The following RNASEH2B variants were observed in gnomAD, a reference collection of about 807,000 sequenced individuals.
RNASEH2B encodes the protein Aicardi-Goutieres syndrome 2 protein.
A neutral mutation model predicts 45.0 loss-of-function variants in RNASEH2B; 36 were observed. That is an observed-to-expected ratio of 0.80 (90% CI 0.61 to 1.06). The LOEUF is 1.06. Ranked by LOEUF, RNASEH2B falls within the 50% of genes least tolerant of loss-of-function variation. The probability of loss-of-function intolerance (pLI) is 0.00; values close to 1 mark genes in which losing one functional copy is unlikely to be tolerated. For synonymous variants in RNASEH2B, 119 were observed against 125.7 expected (o/e 0.95, Z 0.35); for missense variants, 361 against 360.3 (o/e 1.00, Z -0.02).
At chr13:50,967,275 A>T (rs1952174467) in intron 9 of RNASEH2B, among the ~76,000 whole-genome samples, 1 of 152,246 alleles carries the variant, frequency 6.6e-6, no homozygotes, top group South Asian at 2.1e-4. Flanking sequence ...AAGAAAATAC[A>T]ACAAAATGCT....
At chr13:50,947,710 T>G (rs1357948940) in intron 7 of RNASEH2B, among the ~76,000 whole-genome samples, 2 of 152,122 alleles carry the variant, frequency 1.3e-5, no homozygotes, top group Non-Finnish European at 2.9e-5. Flanking sequence ...GTTTTTGTTT[T>G]TAATGTCATT....
At chr13:50,919,435 A>G (rs1951488790) in intron 1 of RNASEH2B, among the ~76,000 whole-genome samples, 1 of 152,224 alleles carries the variant, frequency 6.6e-6, no homozygotes, top group African/African-American at 2.4e-5. Flanking sequence ...AGCTATGTAT[A>G]GAATATACAC....
chr13:50,924,887 A>G (rs1951572073), intron 1 of RNASEH2B, among the ~76,000 whole-genome samples: 1 of 152,102 alleles, frequency 6.6e-6, no homozygotes, highest in African/African-American at 2.4e-5. Flanking sequence ...TATTATTGTG[A>G]TGTATAGTTT....
chr13:50,934,730 T>TAGAGCCTGTCCC, intron 4 of RNASEH2B, 155 bp from the exon 5 acceptor site: 1 of 677,342 alleles, frequency 1.5e-6, no homozygotes, highest in Non-Finnish European at 2.7e-6. Flanking sequence ...GGGTCCGTCC[T>TAGAGCCTGTCCC]AGAGCCTGTC....
chr13:50,915,324 A>G (rs1029622184), intron 1 of RNASEH2B: 2 of 398,104 alleles, frequency 5.0e-6, no homozygotes, highest in Non-Finnish European at 8.9e-6. Flanking sequence ...GCTCCAGCTC[A>G]GCTTCTCCGT....
At chr13:50,934,788 T>G in intron 4 of RNASEH2B, 97 bp from the exon 5 acceptor site, 1 of 858,724 alleles carries the variant, frequency 1.2e-6, no homozygotes, top group East Asian at 2.6e-5. Flanking sequence ...TGCACTAAGT[T>G]TAAAGGCCCA....
intron 1 of RNASEH2B, among the ~76,000 whole-genome samples, chr13:50,923,249 G>A (rs555726333): frequency 2.0e-5 from 3 of 152,230 alleles, no homozygotes; most frequent in South Asian, 2.1e-4. Flanking sequence ...GAGAAGGGTG[G>A]AAGAGGAATA....
intron 7 of RNASEH2B, among the ~76,000 whole-genome samples, chr13:50,946,347 G>A (rs1000155275): frequency 1.1e-4 from 17 of 152,146 alleles, no homozygotes; most frequent in Admixed American, 2.6e-4. Context: ...TAAAAACTAG[G>A]AATAGTGGCC....
intron 1 of RNASEH2B, among the ~76,000 whole-genome samples, chr13:50,921,001 G>T (rs901387273): frequency 6.6e-6 from 1 of 152,112 alleles, no homozygotes; most frequent in Non-Finnish European, 1.5e-5. Flanking sequence ...CTTAGATTTC[G>T]TGACTTTCAT....
chr13:50,947,925 A>G lies in RNASEH2B; in HGVS notation c.617-62A>G, dbSNP rs575329799. ...AATTTGAATTCAGGTCAATTTGACT[A>G]TAAAACCACCATAATTACTATTTTT... On this transcript the variant is annotated intron_variant, in intron 7 of 10. Transcript: ENST00000336617. 1.9e-6 allele frequency: 3 copies of G among 1,597,804 alleles called. No individual in the cohort carries two copies. In the Admixed American group the frequency reaches 5.0e-5, roughly 27 times the overall value.
chr13:50,914,206 A>T (rs549520148), intron 1 of RNASEH2B, among the ~76,000 whole-genome samples: 1 of 152,332 alleles, frequency 6.6e-6, no homozygotes, highest in African/African-American at 2.4e-5. Flanking sequence ...GACACTAAAA[A>T]ACACTCTTTT....
chr13:50,945,565 G>A (rs1224056942), intron 7 of RNASEH2B, 33 bp downstream of exon 7: 2 of 1,472,036 alleles, frequency 1.4e-6, no homozygotes, highest in Admixed American at 3.3e-5. Flanking sequence ...AAAGATTTTT[G>A]TCTGGAGTAA....
At chr13:50,964,610 C>T (rs531939959) in intron 9 of RNASEH2B, among the ~76,000 whole-genome samples, 66 of 152,310 alleles carry the variant, frequency 4.3e-4, no homozygotes, top group African/African-American at 1.5e-3. Context: ...GTGTCTTGCA[C>T]GGTGCCGAGC....
At chr13:50,942,091 G>C (rs1464805280) in intron 5 of RNASEH2B, 5 of 152,186 alleles carry the variant, frequency 3.3e-5, no homozygotes, top group Non-Finnish European at 7.3e-5. Context: ...ATATAACTCA[G>C]AGGTGGTAAA....
downstream of RNASEH2B, chr13:50,960,302 T>C (rs1192558683): frequency 2.8e-6 from 1 of 352,064 alleles, no homozygotes; most frequent in Non-Finnish European, 5.0e-6. Flanking sequence ...TTTTTAAAAA[T>C]TGCATGCAAT....
Position 50,939,737 on chromosome 13 carries a change from C to T in RNASEH2B, c.437-3584C>T, listed in dbSNP as rs933727075. Among the ~76,000 whole-genome samples the T allele has an allele frequency of 3.3e-5, 5 of 151,710 alleles. No homozygotes were observed. In the South Asian group the frequency reaches 6.2e-4, roughly 19 times the overall value. On this transcript the variant is annotated intron_variant, in intron 5 of 10. Transcript: ENST00000336617. ...AATTTGGTATACATATGAAAAATAA[C>T]GTTGATTCTTACCTCATACAGAAAA...
chr13:50,956,508 C>T lies in RNASEH2B; in HGVS notation c.*34C>T. On this transcript the variant is annotated 3_prime_UTR_variant, in exon 11 of 11. Coordinates refer to ENST00000336617, the MANE Select transcript of RNASEH2B (RefSeq NM_024570.4). Reference sequence around the variant, plus strand: ...AAATAAAATCTAGCAAAAATATTTGCTTTTTACATGTTTCAGTTTGTCCTT... The same window carrying T: ...AAATAAAATCTAGCAAAAATATTTGTTTTTTACATGTTTCAGTTTGTCCTT... The T allele has an allele frequency of 6.3e-7, 1 of 1,576,638 alleles. No individual in the cohort carries two copies.
intron 1 of RNASEH2B, chr13:50,915,568 A>G (rs921368734): frequency 1.3e-5 from 5 of 398,178 alleles, no homozygotes; most frequent in East Asian, 3.6e-5. Flanking sequence ...CACCTAATAC[A>G]TGCCAGGAGC....
At chr13:50,935,164 G>A in intron 5 of RNASEH2B, 165 bp downstream of exon 5, 1 of 636,264 alleles carries the variant, frequency 1.6e-6, no homozygotes, top group Non-Finnish European at 2.9e-6. Context: ...CTATTGCTTT[G>A]GAGTGTTTAG....
Sources: allele counts gnomAD v4.1 joint callset (sites outside exome capture counted in the v4.1 genomes callset), GRCh38; gene constraint gnomAD v4.1.1; transcripts MANE v1.5; gene names NCBI Gene and HGNC (gene_info 2026-07-23, HGNC 2026-07-21).